The following RIMS3 variants were observed in gnomAD, a reference collection of about 807,000 sequenced individuals.
RIMS3 encodes the protein regulating synaptic membrane exocytosis 3.
A neutral mutation model predicts 29.2 loss-of-function variants in RIMS3; 15 were observed. The ratio of observed to expected loss-of-function variants is 0.51; its 90% CI spans 0.34 to 0.79. The LOEUF is 0.79. Ranked by LOEUF, RIMS3 falls within the 30% of genes least tolerant of loss-of-function variation. RIMS3 has a pLI of 0.01. For synonymous variants in RIMS3, 161 were observed against 170.1 expected (o/e 0.95, Z 0.41); for missense variants, 342 against 421.4 (o/e 0.81, Z 1.65).
At chr1:40,646,731 GC>G (rs566682054) in intron 2 of RIMS3, among the ~76,000 whole-genome samples, 24 of 152,174 alleles carry the variant, frequency 1.6e-4, no homozygotes, top group African/African-American at 5.8e-4. Flanking sequence ...TTTCTTTTTA[GC>G]CCTTGGATGT....
chr1:40,663,567 A>C (rs1642382960), intron 1 of RIMS3, among the ~76,000 whole-genome samples: 1 of 152,202 alleles, frequency 6.6e-6, no homozygotes, highest in African/African-American at 2.4e-5. Flanking sequence ...CTGCAGCTGC[A>C]GACATCACCC....
upstream of RIMS3, among the ~76,000 whole-genome samples, chr1:40,666,662 A>C (rs1642429925): frequency 6.6e-6 from 1 of 152,180 alleles, no homozygotes; most frequent in Non-Finnish European, 1.5e-5. Context: ...CCACTGACAG[A>C]GAGGACAGAA....
the RIMS3 span, among the ~76,000 whole-genome samples, chr1:40,676,899 T>A: frequency 6.6e-6 from 1 of 152,192 alleles, no homozygotes; most frequent in African/African-American, 2.4e-5. Flanking sequence ...AATACCTGGA[T>A]AATATCTATC....
At chr1:40,643,266 G>A (rs577695546) in intron 2 of RIMS3, among the ~76,000 whole-genome samples, 4 of 152,070 alleles carry the variant, frequency 2.6e-5, no homozygotes, top group East Asian at 3.9e-4. Context: ...CGAGTAGCTG[G>A]GATTACAGGC....
the RIMS3 span, among the ~76,000 whole-genome samples, chr1:40,675,819 T>C: frequency 6.6e-6 from 1 of 151,124 alleles, no homozygotes; most frequent in Admixed American, 6.6e-5. Context: ...TCCCAGCTAC[T>C]TGGGAGGCTG....
In RIMS3 at chr1:40,626,482, C is replaced by G. The variant is rs368154204; in HGVS notation, c.*35G>C. 9 of 1,554,378 alleles carry G rather than the reference C, an allele frequency of 5.8e-6. No homozygotes were observed. The highest frequency in any genetic ancestry group is 4.7e-5 in the East Asian group (2 of 42,290). On this transcript the variant is annotated 3_prime_UTR_variant, in exon 8 of 8. Coordinates refer to ENST00000372684, the MANE Select transcript of RIMS3 (RefSeq NM_014747.3). ...GGACATGGGGCCAGCAGGCACCCCTCCCCACACCACCATCCTGGCCTCTTC... is the reference window on the plus strand; with the variant it reads ...GGACATGGGGCCAGCAGGCACCCCTGCCCACACCACCATCCTGGCCTCTTC...
At chr1:40,641,592 G>A (rs1271508925) in intron 3 of RIMS3, 117 bp downstream of exon 3, 6 of 971,566 alleles carry the variant, frequency 6.2e-6, no homozygotes, top group Middle Eastern at 2.2e-4. Flanking sequence ...TATGGGAAGG[G>A]CCACAGTATA....
At chr1:40,640,786 T>A (rs1426616839) in intron 3 of RIMS3, among the ~76,000 whole-genome samples, 2 of 152,166 alleles carry the variant, frequency 1.3e-5, no homozygotes, top group Non-Finnish European at 2.9e-5. Flanking sequence ...ACTGTATTGA[T>A]GAGGATGGAG....
At chr1:40,670,160 A>G (rs1352512535), upstream of RIMS3, among the ~76,000 whole-genome samples, 1 of 152,196 alleles carries the variant, frequency 6.6e-6, no homozygotes, top group Non-Finnish European at 1.5e-5. Flanking sequence ...CTTTTCATTG[A>G]TTCATTCAAC....
At chr1:40,685,291 A>ATATAATAAT in the RIMS3 span, among the ~76,000 whole-genome samples, 6 of 68,882 alleles carry the variant, frequency 8.7e-5, no homozygotes, top group Non-Finnish European at 1.8e-4. Context: ...TTATTAATAT[A>ATATAATAAT]TATATTATAT....
chr1:40,672,208 T>TA, the RIMS3 span, among the ~76,000 whole-genome samples: 1 of 149,164 alleles, frequency 6.7e-6, no homozygotes, highest in Non-Finnish European at 1.5e-5. Context: ...TTTTTTTTTT[T>TA]TTTTTTTTGA....
rs1642241693 is a variant in RIMS3 at position 40,654,367 on chromosome 1, A to C, written c.-206-6525T>G. Among the ~76,000 whole-genome samples, 1 of 151,910 alleles carries C rather than the reference A, an allele frequency of 6.6e-6. No homozygotes were observed. Among genetic ancestry groups the C allele is most frequent in the Non-Finnish European group, 1.5e-5 (1 of 67,962 alleles). On this transcript the variant is annotated intron_variant, in intron 1 of 7. Coordinates refer to ENST00000372684, the MANE Select transcript of RIMS3 (RefSeq NM_014747.3). The surrounding 1 kb of genome is among the most constrained non-coding windows in gnomAD (Gnocchi z 5.3). ...CAAAGAGGTGCACGCATTCCCTGCAACCTCTCCACCCCCGGACCCTTTCAG... is the reference window on the plus strand; with the variant it reads ...CAAAGAGGTGCACGCATTCCCTGCACCCTCTCCACCCCCGGACCCTTTCAG...
At chr1:40,678,978 A>G in the RIMS3 span, among the ~76,000 whole-genome samples, 1 of 152,256 alleles carries the variant, frequency 6.6e-6, no homozygotes, top group Non-Finnish European at 1.5e-5. Context: ...AGAGATTAAT[A>G]GATGCAAGAA....
upstream of RIMS3, among the ~76,000 whole-genome samples, chr1:40,670,574 T>TTATTTATATATATA (rs1553146614): frequency 2.8e-5 from 2 of 71,210 alleles, no homozygotes; most frequent in Non-Finnish European, 4.8e-5. Context: ...AGTTATAATT[T>TTATTTATATATATA]TATATATATA....
At chr1:40,690,310 G>C in the RIMS3 span, 96 of 152,020 alleles carry the variant, frequency 6.3e-4, no homozygotes, top group African/African-American at 2.2e-3. Context: ...CTATTCTCTT[G>C]AATCTGTTTT....
intron 5 of RIMS3, among the ~76,000 whole-genome samples, chr1:40,629,951 C>G (rs112591186): frequency 2.0e-5 from 3 of 151,456 alleles, no homozygotes; most frequent in Non-Finnish European, 4.4e-5. Flanking sequence ...TGGTGTGCAC[C>G]TGTAGTCCCA....
the RIMS3 span, chr1:40,691,410 A>G: frequency 8.8e-6 from 2 of 228,472 alleles, no homozygotes; most frequent in Non-Finnish European, 1.8e-5. Context: ...GCACGCGCAC[A>G]CACCTACTTA....
the RIMS3 span, among the ~76,000 whole-genome samples, chr1:40,687,101 C>T: frequency 1.3e-5 from 2 of 151,918 alleles, no homozygotes; most frequent in African/African-American, 4.8e-5. Context: ...GGGACTCCAA[C>T]AGATATTTGT....
chr1:40,639,343 C>T lies in RIMS3; in HGVS notation c.217+2366G>A, dbSNP rs189178832. ...GATGCTCCCACCCATGAGGTGGGTC[C>T]GAGCTGGGATACTGGCATCCTCAAG... On this transcript the variant is annotated intron_variant, in intron 3 of 7. Coordinates refer to ENST00000372684, the MANE Select transcript of RIMS3 (RefSeq NM_014747.3). Among the ~76,000 whole-genome samples, 153 of 152,220 alleles carry T rather than the reference C, an allele frequency of 1.0e-3. 2 individuals carry two copies. The East Asian group carries it at 0.02, about 20-fold the overall frequency.
Sources: gnomAD v4.1 joint callset for allele counts (sites outside exome capture counted in the v4.1 genomes callset) on GRCh38, gnomAD v4.1.1 for gene constraint, Gnocchi (gnomAD v3.1) non-coding constraint, MANE v1.5 for transcripts, NCBI Gene and HGNC (gene_info 2026-07-23, HGNC 2026-07-21) for gene names.